The following RARB variants were observed in gnomAD, a reference collection of about 807,000 sequenced individuals.
RARB encodes the protein HBV-activated protein.
Under a neutral mutation model 51.9 loss-of-function variants are expected in RARB, and 17 were observed. That is an observed-to-expected ratio of 0.33 (90% CI 0.22 to 0.49). The LOEUF (loss-of-function observed/expected upper bound fraction) is 0.49. Ranked by LOEUF, RARB falls within the 20% of genes least tolerant of loss-of-function variation. The pLI is 0.99. For synonymous variants in RARB, 215 were observed against 195.4 expected (o/e 1.10, Z -0.84); for missense variants, 369 against 550.8 (o/e 0.67, Z 3.30).
At chr3:25,194,058 T>A (rs1482850443) in intron 5 of RARB, among the ~76,000 whole-genome samples, 1 of 151,860 alleles carries the variant, frequency 6.6e-6, no homozygotes, top group Admixed American at 6.6e-5. Flanking sequence ...TGTATATATA[T>A]ATGAATATTC....
At chr3:25,303,532 T>C (rs956664123) in intron 5 of RARB, among the ~76,000 whole-genome samples, 7 of 152,238 alleles carry the variant, frequency 4.6e-5, no homozygotes, top group African/African-American at 1.7e-4. Context: ...CCTCTGACGT[T>C]AGCTGAATGT....
intron 2 of RARB, among the ~76,000 whole-genome samples, chr3:25,012,126 T>C (rs62228498): frequency 0.072 from 11,009 of 152,180 alleles, 492 homozygotes; most frequent in Non-Finnish European, 0.1. Flanking sequence ...ACAGATTAAA[T>C]ACATGTCTTC....
At chr3:25,460,002 T>G (rs1172584577) in intron 1 of RARB, among the ~76,000 whole-genome samples, 1 of 152,232 alleles carries the variant, frequency 6.6e-6, no homozygotes, top group Non-Finnish European at 1.5e-5. Context: ...TCTTATATTT[T>G]GTGAACTCCC....
At position 25,113,691 on chromosome 3, in the gene RARB, C is replaced by T. The variant is rs551221042; in HGVS notation, c.-327-18470C>T. Among the ~76,000 whole-genome samples the T allele has an allele frequency of 7.9e-5, 12 of 152,230 alleles. No individual in the cohort carries two copies. In the South Asian group the frequency reaches 2.5e-3, roughly 32 times the overall value. On this transcript the variant is annotated intron_variant, in intron 3 of 11. Transcript: ENST00000383772. ...CGGCCCCAGGGTTTTGCAGACAGTC[C>T]TGACCTCCTGCTGGGATATAGACAA...
chr3:25,096,879 G>A (rs984297267), intron 3 of RARB, among the ~76,000 whole-genome samples: 4 of 152,192 alleles, frequency 2.6e-5, no homozygotes, highest in African/African-American at 4.8e-5. Context: ...ACTAAGAAGT[G>A]ATATGGGATA....
intron 1 of RARB, among the ~76,000 whole-genome samples, chr3:24,855,119 T>C (rs964915776): frequency 9.2e-5 from 14 of 152,206 alleles, no homozygotes; most frequent in African/African-American, 3.1e-4. Context: ...AAATTTCACA[T>C]TTCAGAAGGA....
chr3:25,321,919 C>A (rs1575310921), intron 5 of RARB, among the ~76,000 whole-genome samples: 2 of 148,652 alleles, frequency 1.3e-5, no homozygotes, highest in African/African-American at 2.5e-5. Flanking sequence ...TGGAGGCAGG[C>A]AGTAGAAGGA....
chr3:24,915,461 C>T (rs1695086882), intron 2 of RARB, among the ~76,000 whole-genome samples: 1 of 152,132 alleles, frequency 6.6e-6, no homozygotes, highest in Admixed American at 6.5e-5. Context: ...TTCCACTGCT[C>T]AATAGCCACA....
intron 4 of RARB, among the ~76,000 whole-genome samples, chr3:25,146,625 A>G (rs1233859741): frequency 1.3e-5 from 2 of 150,594 alleles, no homozygotes; most frequent in Non-Finnish European, 2.9e-5. Context: ...CTCCTGCCTC[A>G]GCCTCCCCAG....
chr3:25,427,425 A>T (rs1445623462), upstream of RARB, among the ~76,000 whole-genome samples: 1 of 152,224 alleles, frequency 6.6e-6, no homozygotes, highest in East Asian at 1.9e-4. Context: ...ATCCCAGAAC[A>T]CACAGCTGGT....
intron 5 of RARB, chr3:25,174,661 A>G: frequency 2.5e-6 from 3 of 1,196,762 alleles, no homozygotes; most frequent in Non-Finnish European, 3.3e-6. Context: ...TATCCAGGGC[A>G]ATTTCTTATT....
intron 2 of RARB, among the ~76,000 whole-genome samples, chr3:24,967,125 G>A (rs766138391): frequency 1.3e-5 from 2 of 151,848 alleles, no homozygotes; most frequent in African/African-American, 4.8e-5. Flanking sequence ...TGAAAAATCA[G>A]AAGATCTGGC....
At chr3:25,468,446 T>C (rs1182644852) in intron 2 of RARB, among the ~76,000 whole-genome samples, 1 of 148,616 alleles carries the variant, frequency 6.7e-6, no homozygotes, top group Non-Finnish European at 1.5e-5. Context: ...GTAGGCTCCG[T>C]GACCCACATT....
In RARB at chr3:24,954,927, C is replaced by T. The variant is rs184053577; in HGVS notation, c.-380+96175C>T. 1.2e-4 allele frequency among the ~76,000 whole-genome samples: 19 copies of T among 152,194 alleles called. No individual in the cohort carries two copies. In the East Asian group the frequency reaches 1.9e-3, roughly 16 times the overall value. ...GGAGTGTTTTGGGGCTCTGGCCCGA[C>T]GACAGTATCTAGGGGTGTGTTACAG... On this transcript the variant is annotated intron_variant, in intron 2 of 11. Transcript: ENST00000383772.
intron 5 of RARB, among the ~76,000 whole-genome samples, chr3:25,215,504 C>T (rs969823550): frequency 3.9e-5 from 6 of 152,070 alleles, no homozygotes; most frequent in East Asian, 1.9e-4. Flanking sequence ...AGCACTCTGG[C>T]GGGGTCATCT....
At chr3:25,268,312 A>G (rs543361085) in intron 5 of RARB, among the ~76,000 whole-genome samples, 1 of 151,938 alleles carries the variant, frequency 6.6e-6, no homozygotes, top group African/African-American at 2.4e-5. Flanking sequence ...TGTTGGACCT[A>G]TTCAGGTGTG....
chr3:25,270,639 T>TATC (rs1260392677), intron 5 of RARB, among the ~76,000 whole-genome samples: 1 of 152,214 alleles, frequency 6.6e-6, no homozygotes, highest in Non-Finnish European at 1.5e-5. Flanking sequence ...TATCCCAGCC[T>TATC]ATCACTGATA....
At chr3:25,025,375 A>G (rs1264119459) in intron 2 of RARB, among the ~76,000 whole-genome samples, 1 of 152,162 alleles carries the variant, frequency 6.6e-6, no homozygotes, top group Non-Finnish European at 1.5e-5. Flanking sequence ...ATATTAAGTA[A>G]TGTCTATATT....
At chr3:24,882,355 AACAAT>A (rs951729735) in intron 2 of RARB, among the ~76,000 whole-genome samples, 3 of 152,224 alleles carry the variant, frequency 2.0e-5, no homozygotes, top group Admixed American at 2.0e-4. Context: ...TTATTCACTA[AACAAT>A]ACAATAAAAA....
Sources: gnomAD v4.1 joint callset for allele counts (sites outside exome capture counted in the v4.1 genomes callset) on GRCh38, gnomAD v4.1.1 for gene constraint, MANE v1.5 for transcripts, NCBI Gene and HGNC (gene_info 2026-07-23, HGNC 2026-07-21) for gene names.